Variants in CSRP1 observed in about 807,000 individuals in gnomAD.
CSRP1 encodes the protein cysteine and glycine rich protein 1.
In CSRP1, 16 loss-of-function variants were observed where a neutral mutation model predicts 25.4. That is an observed-to-expected ratio of 0.63 (90% CI 0.43 to 0.96). The LOEUF is 0.96. Among genes scored for constraint, CSRP1 ranks in the 40% least tolerant of loss-of-function variants. The pLI, the probability that CSRP1 is intolerant of heterozygous loss-of-function variation, is 0.00. For missense variants in CSRP1, 212 were observed against 243.6 expected, an observed-to-expected ratio of 0.87 and a Z score of 0.86; for synonymous variants, 97 against 95.3, an observed-to-expected ratio of 1.02 and a Z score of -0.10.
At chr1:201,503,663 T>C (rs530048329) in intron 1 of CSRP1, among the ~76,000 whole-genome samples, 1 of 152,318 alleles carries the variant, frequency 6.6e-6, no homozygotes, top group African/African-American at 2.4e-5. Flanking sequence ...TGGGAATTAC[T>C]CAGTGCTGGC....
At chr1:201,487,238 C>T (rs1016163252) in intron 4 of CSRP1, 3 of 212,938 alleles carry the variant, frequency 1.4e-5, no homozygotes, top group Non-Finnish European at 1.9e-5. Flanking sequence ...CATGGTCAAA[C>T]CCCATCTTCA....
chr1:201,488,363 C>T (rs1392083285), intron 4 of CSRP1: 1 of 152,698 alleles, frequency 6.5e-6, no homozygotes, highest in East Asian at 1.9e-4. Flanking sequence ...TAGGTCTGAA[C>T]CTTGAAAATC....
intron 2 of CSRP1, among the ~76,000 whole-genome samples, chr1:201,493,237 G>T (rs1358812491): frequency 6.6e-6 from 1 of 152,178 alleles, no homozygotes; most frequent in Non-Finnish European, 1.5e-5. Context: ...CCAGGGTGGA[G>T]GTCATTCTCC....
At chr1:201,496,337 T>C (rs749226715) in intron 1 of CSRP1, 33 bp from the exon 2 acceptor site, 1 of 1,488,078 alleles carries the variant, frequency 6.7e-7, no homozygotes, top group East Asian at 2.3e-5. Flanking sequence ...GAATTAATTT[T>C]ACAGGGAGAT....
At position 201,483,771 on chromosome 1, in the gene CSRP1, A is replaced by C; in HGVS notation, c.*942T>G. 1 of 470,198 alleles carries C rather than the reference A, an allele frequency of 2.1e-6. No homozygotes were observed. Among genetic ancestry groups the C allele is most frequent in the East Asian group, 3.1e-5 (1 of 32,764 alleles). 29.1% of individuals were successfully genotyped at this position (470,198 alleles called of 1,614,324 possible). On this transcript the variant is annotated 3_prime_UTR_variant, in exon 6 of 6. Coordinates refer to ENST00000340006, the MANE Select transcript of CSRP1 (RefSeq NM_004078.3). ...GTGGAAGAGGCAGGGTCTTGGGTTAAAGGGAAGATTCTGAGGTCTCAGGGC... is the reference window on the plus strand; with the variant it reads ...GTGGAAGAGGCAGGGTCTTGGGTTACAGGGAAGATTCTGAGGTCTCAGGGC...
intron 4 of CSRP1, chr1:201,486,614 TCTAGGCTGGAG>T: frequency 9.9e-7 from 1 of 1,007,636 alleles, no homozygotes; most frequent in Non-Finnish European, 1.2e-6. Context: ...CCCCAAGCTC[TCTAGGCTGGAG>T]AAAAACTGAA....
At chr1:201,486,304 A>G in intron 4 of CSRP1, 2 of 975,002 alleles carry the variant, frequency 2.1e-6, no homozygotes, top group Non-Finnish European at 2.4e-6. Flanking sequence ...GTTCCCATCA[A>G]CAGCTGGGCA....
At chr1:201,490,498 T>C (rs767792706) in intron 2 of CSRP1, 154 bp from the exon 3 acceptor site, 1 of 692,614 alleles carries the variant, frequency 1.4e-6, no homozygotes, top group Non-Finnish European at 2.4e-6. Flanking sequence ...GCAGGCGGGA[T>C]GGCCAATGGG....
chr1:201,489,088 C>T (rs760137642), intron 3 of CSRP1, 104 bp from the exon 4 acceptor site: 142 of 1,463,394 alleles, frequency 9.7e-5, no homozygotes, highest in Middle Eastern at 2.5e-4. Flanking sequence ...CAGAGCAGCG[C>T]GCAATTCTCT....
chr1:201,483,903 C>A lies in CSRP1; in HGVS notation c.*810G>T. 1.5e-6 allele frequency: 1 copy of A among 647,416 alleles called. No homozygotes were observed. Among genetic ancestry groups the A allele is most frequent in the Non-Finnish European group, 2.9e-6 (1 of 345,734 alleles). 40.1% of individuals were successfully genotyped at this position (647,416 alleles called of 1,614,324 possible). ...AGAGCCCTGGCCTGGGCTCTGCTGG[C>A]CGCAGCCTCAGGAGCCAGGGTTAAG... On this transcript the variant is annotated 3_prime_UTR_variant, in exon 6 of 6. Coordinates refer to ENST00000340006, the MANE Select transcript of CSRP1 (RefSeq NM_004078.3).
At chr1:201,486,382 A>G (rs1383951766) in intron 4 of CSRP1, 20 of 985,446 alleles carry the variant, frequency 2.0e-5, no homozygotes, top group Non-Finnish European at 2.4e-5. Flanking sequence ...CAGCAGTCAG[A>G]TAAGACAAAA....
intron 1 of CSRP1, among the ~76,000 whole-genome samples, chr1:201,498,348 C>T (rs1181986483): frequency 1.3e-5 from 2 of 152,166 alleles, no homozygotes; most frequent in South Asian, 2.1e-4. Flanking sequence ...GGCTTGGTGC[C>T]GGGGGTTGCC....
At position 201,488,951 on chromosome 1, in the gene CSRP1, A is replaced by G. The variant is rs2102405052; in HGVS notation, c.315T>C (p.Asn105=). Reference sequence around the variant, plus strand: ...CAATCTTCTGGGCAAATTTGGATGCATTGGGGTTGGTGGTGGGCCTGTGGC... The same window carrying G: ...CAATCTTCTGGGCAAATTTGGATGCGTTGGGGTTGGTGGTGGGCCTGTGGC... ...APGHRPTTNP[N]ASKFAQKIGG... The change falls in exon 4 of 6, where the codon AAT becomes AAC. Residue 105 remains asparagine, a synonymous_variant. Transcript: ENST00000340006. 3 of 1,614,010 alleles carry G rather than the reference A, an allele frequency of 1.9e-6. No homozygotes were observed. Among genetic ancestry groups the G allele is most frequent in the Non-Finnish European group, 2.5e-6 (3 of 1,179,954 alleles).
intron 3 of CSRP1, 114 bp downstream of exon 3, chr1:201,490,062 G>C (rs1355565110): frequency 9.4e-7 from 1 of 1,062,142 alleles, no homozygotes; most frequent in East Asian, 2.6e-5. Flanking sequence ...TTAAATAACT[G>C]GTTTTCTGAG....
At chr1:201,486,232 A>C in intron 4 of CSRP1, 1 of 548,580 alleles carries the variant, frequency 1.8e-6, no homozygotes, top group Non-Finnish European at 2.3e-6. Context: ...CCCAGAAAAA[A>C]AGTGAGGCCC....
chr1:201,501,992 A>AAAATAAATAAATAAATAAAT (rs10676830), intron 1 of CSRP1, among the ~76,000 whole-genome samples: 2 of 144,436 alleles, frequency 1.4e-5, no homozygotes, highest in East Asian at 2.1e-4. Context: ...ACTCAGTCTC[A>AAAATAAATAAATAAATAAAT]AAATAAATAA....
chr1:201,502,864 G>C (rs1433546177), intron 1 of CSRP1, among the ~76,000 whole-genome samples: 1 of 152,082 alleles, frequency 6.6e-6, no homozygotes, highest in Non-Finnish European at 1.5e-5. Flanking sequence ...GCAGGGCGCA[G>C]TGGCTCATTC....
intron 1 of CSRP1, among the ~76,000 whole-genome samples, chr1:201,501,976 A>G (rs571573452): frequency 8.8e-5 from 13 of 147,852 alleles, no homozygotes; most frequent in African/African-American, 2.8e-4. Flanking sequence ...TGGGCAATAA[A>G]GCAATACTCA....
chr1:201,490,507 G>T (rs1164630816), intron 2 of CSRP1, 163 bp from the exon 3 acceptor site: 1 of 644,662 alleles, frequency 1.6e-6, no homozygotes, highest in Admixed American at 2.8e-5. Context: ...ATGGCCAATG[G>T]GTGGGAGGAC....
Sources: gnomAD v4.1 joint callset for allele counts (sites outside exome capture counted in the v4.1 genomes callset) on GRCh38, gnomAD v4.1.1 for gene constraint, MANE v1.5 for transcripts, NCBI Gene and HGNC (gene_info 2026-07-23, HGNC 2026-07-21) for gene names.